Variants in PARP1 observed in about 807,000 individuals in gnomAD.
PARP1 encodes poly [ADP-ribose] polymerase 1.
A neutral mutation model predicts 118.7 loss-of-function variants in PARP1; 44 were observed. The ratio of observed to expected loss-of-function variants is 0.37; its 90% CI spans 0.29 to 0.48. PARP1 has a LOEUF of 0.48. PARP1 is among the 20% of genes least tolerant of loss of function. The pLI is 0.99. For synonymous variants in PARP1, 492 were observed against 483.2 expected (o/e 1.02, Z -0.24); for missense variants, 1,100 against 1,272.4 (o/e 0.86, Z 2.06).
intron 3 of PARP1, among the ~76,000 whole-genome samples, chr1:226,391,892 T>C (rs1373229046): frequency 6.6e-6 from 1 of 152,186 alleles, no homozygotes; most frequent in Non-Finnish European, 1.5e-5. Flanking sequence ...TTATACCTAA[T>C]TCTACCATAA....
intron 6 of PARP1, among the ~76,000 whole-genome samples, 172 bp from the exon 7 acceptor site, chr1:226,385,852 A>G (rs1029661699): frequency 6.6e-6 from 1 of 152,206 alleles, no homozygotes; most frequent in African/African-American, 2.4e-5. Context: ...TTGGTTTACA[A>G]TGGAGCTTGG....
At chr1:226,397,262 A>T (rs1664942102) in intron 2 of PARP1, among the ~76,000 whole-genome samples, 1 of 152,094 alleles carries the variant, frequency 6.6e-6, no homozygotes. Flanking sequence ...TAGAAACTGC[A>T]GTGAGCTAAG....
intron 21 of PARP1, 139 bp downstream of exon 21, chr1:226,362,960 A>G (rs1664180588): frequency 1.5e-5 from 11 of 709,728 alleles, no homozygotes; most frequent in Non-Finnish European, 2.1e-5. Flanking sequence ...CAACGCACAC[A>G]CACCCCTCGA....
At chr1:226,398,849 T>C (rs1029019369) in intron 2 of PARP1, among the ~76,000 whole-genome samples, 3 of 152,180 alleles carry the variant, frequency 2.0e-5, no homozygotes, top group South Asian at 2.1e-4. Flanking sequence ...GATCCAGCAA[T>C]TGTACTCCTT....
At chr1:226,400,192 G>A (rs387686) in intron 2 of PARP1, among the ~76,000 whole-genome samples, 2 of 151,648 alleles carry the variant, frequency 1.3e-5, no homozygotes, top group Admixed American at 1.3e-4. Flanking sequence ...CACGCTACTC[G>A]GGAGGCTGAG....
intron 13 of PARP1, among the ~76,000 whole-genome samples, chr1:226,375,970 G>C (rs1664478999): frequency 6.6e-6 from 1 of 152,090 alleles, no homozygotes; most frequent in Non-Finnish European, 1.5e-5. Context: ...TTAGTTTTTT[G>C]TGCCTTAGTA....
In PARP1 at chr1:226,377,168, G is replaced by T. The variant is rs1175378809; in HGVS notation, c.1881C>A (p.His627Gln). The T allele has an allele frequency of 6.2e-7, 1 of 1,613,984 alleles. No individual in the cohort carries two copies. Among genetic ancestry groups the T allele is most frequent in the Non-Finnish European group, 8.5e-7 (1 of 1,180,024 alleles). Residue 627 changes from histidine to glutamine, a missense_variant, in exon 13 of 23, where the codon CAC (histidine) becomes CAA (glutamine). Transcript: ENST00000366794. ...LYEEKTGNAW[H>Q]SKNFTKYPKK... The stretch of plus-strand genomic sequence containing the variant: ...TGGGATACTTCGTGAAATTTTTGGA[G>T]TGCCAAGCGTTCCCGGTTTTTTCTT...
In PARP1 at chr1:226,361,438, G is replaced by A. The variant is rs1414939511; in HGVS notation, c.*22C>T. ...TGAATTCATACCAGAGCCACCGGGT[G>A]TGACTCGGCTACCTCTCCCAATTAC... On this transcript the variant is annotated 3_prime_UTR_variant, in exon 23 of 23. Transcript: ENST00000366794. 5 of 1,547,960 alleles carry A rather than the reference G, an allele frequency of 3.2e-6. No individual in the cohort carries two copies. Among genetic ancestry groups the A allele is most frequent in the Non-Finnish European group, 3.6e-6 (4 of 1,120,362 alleles).
At chr1:226,367,296 C>T in intron 17 of PARP1, 184 bp downstream of exon 17, 1 of 715,818 alleles carries the variant, frequency 1.4e-6, no homozygotes, top group Admixed American at 2.1e-5. Flanking sequence ...ACGTGAAACG[C>T]CCAAAGGTTC....
At chr1:226,373,240 A>C (rs993512449) in intron 14 of PARP1, among the ~76,000 whole-genome samples, 2 of 152,206 alleles carry the variant, frequency 1.3e-5, no homozygotes, top group African/African-American at 4.8e-5. Flanking sequence ...GCGTGAAGGG[A>C]GCAACCCCAT....
chr1:226,395,170 C>T (rs1352415070), intron 2 of PARP1, among the ~76,000 whole-genome samples: 1 of 151,840 alleles, frequency 6.6e-6, no homozygotes, highest in African/African-American at 2.4e-5. Flanking sequence ...TTGGAACCCC[C>T]TTGTCTTGCT....
intron 1 of PARP1, among the ~76,000 whole-genome samples, chr1:226,407,380 A>C (rs1054904617): frequency 7.1e-6 from 1 of 141,644 alleles, no homozygotes; most frequent in Non-Finnish European, 1.5e-5. Flanking sequence ...TTAACAAAAA[A>C]AAAAAAAACC....
chr1:226,374,852 C>T (rs1330566091), intron 13 of PARP1, among the ~76,000 whole-genome samples: 1 of 152,198 alleles, frequency 6.6e-6, no homozygotes, highest in Non-Finnish European at 1.5e-5. Flanking sequence ...GCAACCAGTC[C>T]CATGCGCTGC....
intron 2 of PARP1, among the ~76,000 whole-genome samples, chr1:226,394,131 T>C (rs953419190): frequency 1.6e-4 from 25 of 152,308 alleles, no homozygotes; most frequent in African/African-American, 5.8e-4. Flanking sequence ...GGAGGATCAC[T>C]TGAGCCCAGG....
chr1:226,367,742 A>C (rs1435932775), intron 16 of PARP1, 134 bp from the exon 17 acceptor site: 1 of 990,162 alleles, frequency 1.0e-6, no homozygotes, highest in Non-Finnish European at 1.6e-6. Context: ...GGTCAGGGCC[A>C]GCCTGTTACC....
chr1:226,376,367 A>T (rs764452773), intron 13 of PARP1, among the ~76,000 whole-genome samples: 1 of 152,236 alleles, frequency 6.6e-6, no homozygotes, highest in Non-Finnish European at 1.5e-5. Flanking sequence ...AACAGATGTA[A>T]GGAGACGCCC....
At chr1:226,383,258 G>C (rs1190031345) in intron 7 of PARP1, 75 bp from the exon 8 acceptor site, 1 of 1,192,820 alleles carries the variant, frequency 8.4e-7, no homozygotes. Context: ...AAGAGGATTT[G>C]GCTTGTCCAA....
intron 12 of PARP1, among the ~76,000 whole-genome samples, chr1:226,378,210 G>T (rs1466096082): frequency 1.3e-5 from 2 of 152,042 alleles, no homozygotes; most frequent in East Asian, 3.9e-4. Flanking sequence ...TTAGAATTTA[G>T]TAAGAGTTCC....
At chr1:226,368,409 G>A (rs973731134) in intron 15 of PARP1, 88 bp from the exon 16 acceptor site, 48 of 1,558,330 alleles carry the variant, frequency 3.1e-5, no homozygotes, top group Admixed American at 3.0e-4. Flanking sequence ...GGTGGGTGCT[G>A]CAGCAGGTCC....
Sources: allele counts gnomAD v4.1 joint callset (sites outside exome capture counted in the v4.1 genomes callset), GRCh38; gene constraint gnomAD v4.1.1; transcripts MANE v1.5; gene names NCBI Gene and HGNC (gene_info 2026-07-23, HGNC 2026-07-21).